Variants in ADRA1B observed in about 807,000 individuals in gnomAD.
The protein encoded by ADRA1B is alpha-1B adrenergic receptor.
A neutral mutation model predicts 17.9 loss-of-function variants in ADRA1B; 17 were observed. The ratio of observed to expected loss-of-function variants is 0.95; its 90% CI spans 0.65 to 1.42. The LOEUF is 1.42. Among genes scored for constraint, ADRA1B ranks in the 40% most tolerant of loss-of-function variants. The pLI, the probability that ADRA1B is intolerant of heterozygous loss-of-function variation, is 0.00. For missense variants in ADRA1B, 681 were observed against 722.1 expected (o/e 0.94, Z 0.65); for synonymous variants, 366 against 327.6 (o/e 1.12, Z -1.27).
At chr5:159,874,956 AG>A (rs1438262093) in intron 1 of ADRA1B, among the ~76,000 whole-genome samples, 1 of 152,216 alleles carries the variant, frequency 6.6e-6, no homozygotes, top group East Asian at 1.9e-4. Context: ...GGGCTAAATG[AG>A]AACTGAGAAT....
At chr5:159,888,310 T>A (rs1027118551) in intron 1 of ADRA1B, 1 of 151,744 alleles carries the variant, frequency 6.6e-6, no homozygotes, top group Non-Finnish European at 1.5e-5. Flanking sequence ...AGTGTGGGGG[T>A]TGATAACAGA....
At chr5:159,939,675 G>T (rs540160971) in intron 1 of ADRA1B, among the ~76,000 whole-genome samples, 2 of 152,262 alleles carry the variant, frequency 1.3e-5, no homozygotes, top group Admixed American at 6.5e-5. Context: ...CCTCGTTGGG[G>T]TGATAAGAGA....
chr5:159,937,656 G>C (rs554420480), intron 1 of ADRA1B: 1 of 152,212 alleles, frequency 6.6e-6, no homozygotes, highest in Non-Finnish European at 1.5e-5. Context: ...CACCGTGTTG[G>C]CCAAGCTAGT....
chr5:159,879,014 T>C (rs1396164290), intron 1 of ADRA1B, among the ~76,000 whole-genome samples: 1 of 152,076 alleles, frequency 6.6e-6, no homozygotes, highest in Non-Finnish European at 1.5e-5. Context: ...ACCCCGGCCC[T>C]GGGTGAGGCA....
chr5:159,915,512 G>A (rs1183172018), upstream of ADRA1B, among the ~76,000 whole-genome samples: 2 of 151,996 alleles, frequency 1.3e-5, no homozygotes, highest in African/African-American at 4.8e-5. Flanking sequence ...TTGGGAGTGC[G>A]TCCCTGTGAC....
chr5:159,907,934 T>C (rs544591853), intron 1 of ADRA1B, among the ~76,000 whole-genome samples: 1 of 149,420 alleles, frequency 6.7e-6, no homozygotes. Context: ...TAGCTGTTTG[T>C]TCTCTCTCTC....
chr5:159,963,738 T>G (rs1755722139), intron 1 of ADRA1B, among the ~76,000 whole-genome samples: 1 of 152,030 alleles, frequency 6.6e-6, no homozygotes, highest in Non-Finnish European at 1.5e-5. Context: ...GTTCACGGAG[T>G]GTTGAGACCT....
intron 1 of ADRA1B, among the ~76,000 whole-genome samples, chr5:159,901,052 T>C (rs1489696049): frequency 6.6e-6 from 1 of 151,892 alleles, no homozygotes; most frequent in Non-Finnish European, 1.5e-5. Flanking sequence ...TATTATTATA[T>C]ATTCATTATA....
chr5:159,925,567 T>C (rs1406199100), intron 1 of ADRA1B, among the ~76,000 whole-genome samples: 3 of 152,214 alleles, frequency 2.0e-5, no homozygotes, highest in African/African-American at 7.2e-5. Context: ...AATCTGCCTC[T>C]GGTCCTGCCT....
chr5:159,890,758 A>G (rs1390337608), intron 1 of ADRA1B, among the ~76,000 whole-genome samples: 1 of 152,176 alleles, frequency 6.6e-6, no homozygotes, highest in Non-Finnish European at 1.5e-5. Flanking sequence ...CACTTCTACC[A>G]CATTCTATTG....
At chr5:159,965,369 G>C (rs915676489) in intron 1 of ADRA1B, among the ~76,000 whole-genome samples, 1 of 152,146 alleles carries the variant, frequency 6.6e-6, no homozygotes, top group South Asian at 2.1e-4. Flanking sequence ...GGGGTTAGTG[G>C]CATTGTTAAA....
intron 1 of ADRA1B, among the ~76,000 whole-genome samples, chr5:159,932,498 A>C (rs78797233): frequency 5.3e-5 from 8 of 152,300 alleles, no homozygotes; most frequent in African/African-American, 1.9e-4. Flanking sequence ...CCATAATAGA[A>C]GGTATCGTAA....
intron 1 of ADRA1B, among the ~76,000 whole-genome samples, chr5:159,897,942 G>A (rs1345392950): frequency 6.6e-6 from 1 of 152,230 alleles, no homozygotes; most frequent in Non-Finnish European, 1.5e-5. Flanking sequence ...CAGAGGCTGG[G>A]ATGACAGAGG....
intron 1 of ADRA1B, among the ~76,000 whole-genome samples, chr5:159,939,426 T>C (rs4921241): frequency 0.13 from 19,825 of 151,986 alleles, 1,496 homozygotes; most frequent in Non-Finnish European, 0.16. Context: ...AGCACAGATC[T>C]GCTCAAGCTG....
At chr5:159,948,051 C>T (rs1325799723) in intron 1 of ADRA1B, 1 of 985,312 alleles carries the variant, frequency 1.0e-6, no homozygotes, top group Non-Finnish European at 1.2e-6. Flanking sequence ...ATCGGTTTCA[C>T]AGAGATTAAA....
intron 1 of ADRA1B, among the ~76,000 whole-genome samples, chr5:159,965,688 C>T (rs373711419): frequency 2.0e-5 from 3 of 152,176 alleles, no homozygotes; most frequent in African/African-American, 7.2e-5. Flanking sequence ...AGGAGGGGGT[C>T]GAAAAATTTG....
chr5:159,939,081 T>C (rs1755032150), intron 1 of ADRA1B, among the ~76,000 whole-genome samples: 1 of 152,070 alleles, frequency 6.6e-6, no homozygotes, highest in Admixed American at 6.5e-5. Flanking sequence ...ACTGAAGCCA[T>C]GTGAGAAGCG....
intron 1 of ADRA1B, among the ~76,000 whole-genome samples, chr5:159,909,605 T>G (rs1754204111): frequency 6.6e-6 from 1 of 152,246 alleles, no homozygotes. Context: ...TCAGACACAA[T>G]TCTCTATGCA....
rs557272748 is a variant in ADRA1B at position 159,935,507 on chromosome 5, A to G, written c.949+17653A>G. The stretch of plus-strand genomic sequence containing the variant: ...ATTCACCTCTCTCCTTCCCAAAGGC[A>G]ATTACCACAATGTCTGTGATCGAAT... On this transcript the variant is annotated intron_variant, in intron 1 of 1. Coordinates refer to ENST00000306675, the MANE Select transcript of ADRA1B (RefSeq NM_000679.4). Among the ~76,000 whole-genome samples the G allele has an allele frequency of 4.6e-5, 7 of 151,934 alleles. No homozygotes were observed. The South Asian group carries it at 1.5e-3, about 32-fold the overall frequency.
Sources: gnomAD v4.1 joint callset for allele counts (sites outside exome capture counted in the v4.1 genomes callset) on GRCh38, gnomAD v4.1.1 for gene constraint, MANE v1.5 for transcripts, NCBI Gene and HGNC (gene_info 2026-07-23, HGNC 2026-07-21) for gene names.